The following SGCD variants were observed in gnomAD, a reference collection of about 807,000 sequenced individuals.
SGCD encodes sarcoglycan delta.
In SGCD, 18 loss-of-function variants were observed where a neutral mutation model predicts 36.6. That is an observed-to-expected ratio of 0.49 (90% CI 0.34 to 0.73). The LOEUF (loss-of-function observed/expected upper bound fraction) is 0.73. Among genes scored for constraint, SGCD ranks in the 30% least tolerant of loss-of-function variants. The pLI is 0.01. For synonymous variants in SGCD, 133 were observed against 130.6 expected (o/e 1.02, Z -0.12); for missense variants, 387 against 346.7 (o/e 1.12, Z -0.92).
At chr5:156,108,901 G>A (rs768799503) in intron 1 of SGCD, among the ~76,000 whole-genome samples, 1 of 152,120 alleles carries the variant, frequency 6.6e-6, no homozygotes, top group Non-Finnish European at 1.5e-5. Context: ...AGTCCATAGA[G>A]TAAGGGAGAG....
the SGCD span, among the ~76,000 whole-genome samples, chr5:155,730,739 C>G: frequency 1.3e-5 from 2 of 152,184 alleles, no homozygotes; most frequent in African/African-American, 4.8e-5. Flanking sequence ...TTGACGCTTG[C>G]CCCAGTGGCT....
rs575776837 is a variant in SGCD at position 156,612,921 on chromosome 5, G to T, written c.502+17870G>T. Among the ~76,000 whole-genome samples the T allele has an allele frequency of 2.4e-4, 36 of 152,330 alleles. No homozygotes were observed. In the Middle Eastern group the frequency reaches 0.02, roughly 86 times the overall value. ...GCATTCGGGGCCTATAAAGACTGCA[G>T]AACTCTCTGGCAGCAAGGACTATAG... On this transcript the variant is annotated intron_variant, in intron 6 of 8. Transcript: ENST00000337851.
At chr5:155,775,732 C>T in the SGCD span, among the ~76,000 whole-genome samples, 1 of 150,402 alleles carries the variant, frequency 6.6e-6, no homozygotes, top group African/African-American at 2.5e-5. Context: ...TGCAGGCATT[C>T]ACTAAACTTC....
rs547231218 is a variant in SGCD, at chr5:156,186,283, G to A, written c.-44+62264G>A. Among the ~76,000 whole-genome samples, 8 of 152,250 alleles carry A rather than the reference G, an allele frequency of 5.3e-5. No individual in the cohort carries two copies. The South Asian group carries it at 1.5e-3, about 28-fold the overall frequency. ...TATTGAGTTCTAACATATTGAGGTTGTGACTGGTGGGTAGTTGGGGGTGAA... is the reference window on the plus strand; with the variant it reads ...TATTGAGTTCTAACATATTGAGGTTATGACTGGTGGGTAGTTGGGGGTGAA... On this transcript the variant is annotated intron_variant, in intron 3 of 9. Transcript: ENST00000517913.
At chr5:156,501,136 G>T (rs1756430469) in intron 3 of SGCD, among the ~76,000 whole-genome samples, 1 of 152,128 alleles carries the variant, frequency 6.6e-6, no homozygotes, top group Non-Finnish European at 1.5e-5. Context: ...CAGGAAAATG[G>T]TCTCTAGAAT....
At chr5:156,170,764 A>G (rs559752076) in intron 3 of SGCD, among the ~76,000 whole-genome samples, 3 of 152,290 alleles carry the variant, frequency 2.0e-5, no homozygotes, top group East Asian at 3.9e-4. Flanking sequence ...CCATCACCCC[A>G]CTATCCTCTT....
chr5:155,745,425 A>G, the SGCD span, among the ~76,000 whole-genome samples: 60 of 152,246 alleles, frequency 3.9e-4, no homozygotes, highest in Admixed American at 1.3e-3. Context: ...TAATCTGGCC[A>G]TTTGTCTTCT....
In SGCD at chr5:156,759,289, CAGA is replaced by C. The variant is rs1207864818; in HGVS notation, c.775_777del (p.Lys259del). On this transcript the variant is annotated inframe_deletion, in exon 9 of 9. Transcript: ENST00000337851. Reference sequence around the variant, plus strand: ...ATCCTACACGCCTACAGGAACGAGGCAGAAGGTCTTCGAGATCTGCGTCTGCGC... The same window carrying C: ...ATCCTACACGCCTACAGGAACGAGGCAGGTCTTCGAGATCTGCGTCTGCGC... The C allele has an allele frequency of 2.5e-6, 4 of 1,613,686 alleles. No homozygotes were observed. The highest frequency in any genetic ancestry group is 1.7e-6 in the Non-Finnish European group (2 of 1,179,638).
intron 3 of SGCD, among the ~76,000 whole-genome samples, chr5:156,411,038 C>T (rs1037914096): frequency 9.2e-5 from 14 of 152,170 alleles, no homozygotes; most frequent in South Asian, 2.1e-4. Context: ...AATTATGCTA[C>T]AGTCTTTGGT....
chr5:156,325,415 C>T (rs1473022631), upstream of SGCD, among the ~76,000 whole-genome samples: 1 of 151,234 alleles, frequency 6.6e-6, no homozygotes, highest in Admixed American at 6.6e-5. Context: ...AAACACTTTA[C>T]ACAGATTATC....
At chr5:156,511,286 T>G (rs1756914217) in intron 4 of SGCD, among the ~76,000 whole-genome samples, 1 of 152,190 alleles carries the variant, frequency 6.6e-6, no homozygotes, top group South Asian at 2.1e-4. Context: ...TCATGTGAGC[T>G]CTACCTGAAA....
intron 6 of SGCD, among the ~76,000 whole-genome samples, chr5:156,643,114 C>T (rs541275762): frequency 7.2e-4 from 106 of 148,032 alleles, no homozygotes; most frequent in African/African-American, 2.5e-3. Context: ...CTCACTGCAA[C>T]CTCCACCTCC....
intron 7 of SGCD, among the ~76,000 whole-genome samples, chr5:156,685,211 C>T (rs912910480): frequency 2.6e-5 from 4 of 151,842 alleles, no homozygotes; most frequent in South Asian, 2.1e-4. Context: ...GGAGATGCGT[C>T]GCAGGGTAAG....
chr5:155,951,275 A>G (rs974804120), intron 1 of SGCD, among the ~76,000 whole-genome samples: 1 of 152,208 alleles, frequency 6.6e-6, no homozygotes, highest in Non-Finnish European at 1.5e-5. Context: ...ACAGCTGGAA[A>G]TATCACAGGC....
chr5:156,079,032 A>AAAAG (rs1554117666), intron 1 of SGCD, among the ~76,000 whole-genome samples: 117 of 151,090 alleles, frequency 7.7e-4, no homozygotes, highest in African/African-American at 2.7e-3. Context: ...AAAAAAAAAA[A>AAAAG]AAAAAGAAAA....
At chr5:155,858,942 G>T in the SGCD span, among the ~76,000 whole-genome samples, 18 of 148,562 alleles carry the variant, frequency 1.2e-4, no homozygotes, top group Admixed American at 1.3e-4. Flanking sequence ...GGCAATGCAG[G>T]TTTTTTTTTT....
intron 6 of SGCD, among the ~76,000 whole-genome samples, chr5:156,646,004 G>C (rs145286826): frequency 6.2e-4 from 94 of 152,172 alleles, no homozygotes; most frequent in Middle Eastern, 3.4e-3. Context: ...TTTTGAGAGA[G>C]GGAAACTGAA....
chr5:156,375,213 C>A (rs776887351), intron 3 of SGCD, among the ~76,000 whole-genome samples: 1 of 152,054 alleles, frequency 6.6e-6, no homozygotes, highest in East Asian at 1.9e-4. Context: ...TTTTAAAAAA[C>A]GATCTGAAGG....
At chr5:156,205,993 TA>T (rs1183799410) in intron 3 of SGCD, among the ~76,000 whole-genome samples, 1 of 90,032 alleles carries the variant, frequency 1.1e-5, no homozygotes, top group African/African-American at 3.3e-5. Flanking sequence ...ATATATATTT[TA>T]TATATATATA....
Sources: allele counts gnomAD v4.1 joint callset (sites outside exome capture counted in the v4.1 genomes callset), GRCh38; gene constraint gnomAD v4.1.1; transcripts MANE v1.5; gene names NCBI Gene and HGNC (gene_info 2026-07-23, HGNC 2026-07-21).